The following ENTPD1 variants were observed in gnomAD, a reference collection of about 807,000 sequenced individuals.
The protein encoded by ENTPD1 is ATP diphosphohydrolase.
In ENTPD1, 33 loss-of-function variants were observed where a neutral mutation model predicts 57.0. That is an observed-to-expected ratio of 0.58 (90% CI 0.44 to 0.77). ENTPD1 has a LOEUF of 0.77. Ranked by LOEUF, ENTPD1 falls within the 30% of genes least tolerant of loss-of-function variation. ENTPD1 has a pLI of 0.00. For missense variants in ENTPD1, 501 were observed against 603.4 expected, an observed-to-expected ratio of 0.83 and a Z score of 1.78; for synonymous variants, 202 against 218.8, an observed-to-expected ratio of 0.92 and a Z score of 0.68.
intron 7 of ENTPD1, among the ~76,000 whole-genome samples, chr10:95,850,946 T>C (rs1276564971): frequency 6.6e-6 from 1 of 152,210 alleles, no homozygotes; most frequent in African/African-American, 2.4e-5. Context: ...ATCTGATTCT[T>C]AGTTGGTAAA....
chr10:95,839,120 A>T (rs2098417292), intron 2 of ENTPD1, among the ~76,000 whole-genome samples: 2 of 152,244 alleles, frequency 1.3e-5, no homozygotes, highest in Admixed American at 1.3e-4. Context: ...CATATTTATT[A>T]CGTCTTACTG....
At chr10:95,720,520 G>A (rs956955127) in intron 1 of ENTPD1, among the ~76,000 whole-genome samples, 11 of 152,136 alleles carry the variant, frequency 7.2e-5, no homozygotes, top group African/African-American at 1.9e-4. Context: ...ACAGTTTTCC[G>A]GGACAAGAGA....
At chr10:95,706,634 T>TAGCTCTTCTTTGCAGCTG in the ENTPD1 span, among the ~76,000 whole-genome samples, 1 of 152,138 alleles carries the variant, frequency 6.6e-6, no homozygotes, top group East Asian at 1.9e-4. Flanking sequence ...CTTTGCAGCT[T>TAGCTCTTCTTTGCAGCTG]GTTGTCCCCT....
chr10:95,786,476 C>T (rs1229416899), intron 1 of ENTPD1, among the ~76,000 whole-genome samples: 4 of 152,094 alleles, frequency 2.6e-5, no homozygotes, highest in Non-Finnish European at 4.4e-5. Flanking sequence ...CCCTAGCTTC[C>T]GTATTGCACT....
Position 95,876,959 on chromosome 10 carries a change from G to A in ENTPD1, c.*10576G>A, listed in dbSNP as rs979631003. 3.3e-5 allele frequency among the ~76,000 whole-genome samples: 5 copies of A among 152,212 alleles called. No homozygotes were observed. The highest frequency in any genetic ancestry group is 1.2e-4 in the African/African-American group (5 of 41,452). On this transcript the variant is annotated 3_prime_UTR_variant, in exon 10 of 10. Coordinates refer to ENST00000371205, the MANE Select transcript of ENTPD1 (RefSeq NM_001776.6). ...TGATGCAACATGGCAAAAGTATACA[G>A]ACAGTGCATCCAGAGGAAGGCACCT...
At chr10:95,809,735 C>T (rs61503377) in intron 1 of ENTPD1, among the ~76,000 whole-genome samples, 9,420 of 141,818 alleles carry the variant, frequency 0.066, 349 homozygotes, top group African/African-American at 0.086. Flanking sequence ...CGGGCAGAGG[C>T]GCTCCCCACC....
At chr10:95,759,045 T>A (rs2098043973) in intron 1 of ENTPD1, among the ~76,000 whole-genome samples, 1 of 152,226 alleles carries the variant, frequency 6.6e-6, no homozygotes, top group South Asian at 2.1e-4. Context: ...CAGGCTCTTG[T>A]GCAAGTCCAA....
At chr10:95,761,549 A>G (rs1465424641) in intron 1 of ENTPD1, among the ~76,000 whole-genome samples, 1 of 152,064 alleles carries the variant, frequency 6.6e-6, no homozygotes, top group African/African-American at 2.4e-5. Context: ...ACTTCTAGTC[A>G]CTGGTCAGGT....
At chr10:95,774,030 C>A (rs1487631874) in intron 1 of ENTPD1, among the ~76,000 whole-genome samples, 2 of 152,186 alleles carry the variant, frequency 1.3e-5, no homozygotes, top group African/African-American at 4.8e-5. Flanking sequence ...GCCATTCTAA[C>A]TGGTGTGAGA....
chr10:95,852,916 T>C (rs188572647), intron 7 of ENTPD1, among the ~76,000 whole-genome samples: 143 of 152,362 alleles, frequency 9.4e-4, no homozygotes, highest in Middle Eastern at 6.8e-3. Flanking sequence ...CAATGCAGGC[T>C]CTTTTTTGGT....
intron 1 of ENTPD1, among the ~76,000 whole-genome samples, chr10:95,717,564 C>T (rs897762430): frequency 3.3e-5 from 5 of 152,278 alleles, no homozygotes; most frequent in East Asian, 1.9e-4. Context: ...CTCTTTACTA[C>T]CTGATTGGTC....
chr10:95,701,736 G>A, the ENTPD1 span, among the ~76,000 whole-genome samples: 1 of 152,062 alleles, frequency 6.6e-6, no homozygotes, highest in Non-Finnish European at 1.5e-5. Context: ...AGTACATTCT[G>A]CTTGCCACAA....
At chr10:95,804,017 G>A (rs1303806269) in intron 1 of ENTPD1, among the ~76,000 whole-genome samples, 2 of 152,168 alleles carry the variant, frequency 1.3e-5, no homozygotes, top group Non-Finnish European at 2.9e-5. Flanking sequence ...GATTGTAGAT[G>A]TGTGGTGTTA....
At chr10:95,860,654 C>A in intron 8 of ENTPD1, 72 bp downstream of exon 8, 2 of 1,345,822 alleles carry the variant, frequency 1.5e-6, no homozygotes, top group Non-Finnish European at 2.1e-6. Flanking sequence ...GGATGTGAGT[C>A]TGCTCTGAAA....
intron 1 of ENTPD1, among the ~76,000 whole-genome samples, chr10:95,763,414 A>G (rs367945915): frequency 6.6e-6 from 1 of 152,090 alleles, no homozygotes; most frequent in African/African-American, 2.4e-5. Flanking sequence ...TTTTTCCATG[A>G]TGGTTAGAGA....
At chr10:95,795,572 G>A (rs1470976800) in intron 1 of ENTPD1, among the ~76,000 whole-genome samples, 2 of 152,144 alleles carry the variant, frequency 1.3e-5, no homozygotes, top group African/African-American at 4.8e-5. Flanking sequence ...GGTCCGGTGA[G>A]ATCACTCTAA....
At chr10:95,755,673 G>A (rs1566106652), upstream of ENTPD1, 2 of 1,536,982 alleles carry the variant, frequency 1.3e-6, no homozygotes, top group Admixed American at 3.9e-5. Flanking sequence ...TTGCTCTAAT[G>A]AGCCTTGAGA....
intron 7 of ENTPD1, among the ~76,000 whole-genome samples, chr10:95,858,491 G>T (rs2098459567): frequency 6.6e-6 from 1 of 152,170 alleles, no homozygotes; most frequent in Admixed American, 6.5e-5. Flanking sequence ...AGATTCCTGT[G>T]ACTGCTGTTT....
chr10:95,868,498 T>A lies in ENTPD1; in HGVS notation c.*2115T>A, dbSNP rs2098476804. Reference sequence around the variant, plus strand: ...CACAGCATAGTAGATTGACATCAAATAGTGGCCGATGATGATGAAAATAAA... The same window carrying A: ...CACAGCATAGTAGATTGACATCAAAAAGTGGCCGATGATGATGAAAATAAA... On this transcript the variant is annotated 3_prime_UTR_variant, in exon 10 of 10. Transcript: ENST00000371205. 1 of 985,322 alleles carries A rather than the reference T, an allele frequency of 1.0e-6. No individual in the cohort carries two copies. The highest frequency in any genetic ancestry group is 1.2e-6 in the Non-Finnish European group (1 of 829,944). The allele number at this position is 985,322 out of a possible 1,614,324, so 61.0% of individuals were successfully genotyped here.
Sources: gnomAD v4.1 joint callset for allele counts (sites outside exome capture counted in the v4.1 genomes callset) on GRCh38, gnomAD v4.1.1 for gene constraint, MANE v1.5 for transcripts, NCBI Gene and HGNC (gene_info 2026-07-23, HGNC 2026-07-21) for gene names.